C2CD3: variants seen among roughly 807,000 people sequenced by gnomAD.
C2CD3 encodes the protein C2 domain-containing protein 3.
C2CD3 carries 148 observed loss-of-function variants against 234.0 expected under a neutral mutation model. The ratio of observed to expected loss-of-function variants is 0.63; its 90% CI spans 0.55 to 0.72. C2CD3 has a LOEUF of 0.72. Among genes scored for constraint, C2CD3 ranks in the 30% least tolerant of loss-of-function variants. The pLI is 0.00. For missense variants in C2CD3, 2,577 were observed against 2,811.5 expected, an observed-to-expected ratio of 0.92 and a Z score of 1.89; for synonymous variants, 1,000 against 1,035.4, an observed-to-expected ratio of 0.97 and a Z score of 0.66.
intron 21 of C2CD3, 64 bp from the exon 22 acceptor site, chr11:74,085,034 GTATATCCACACAACCCT>G (rs1182711246): frequency 1.1e-6 from 1 of 870,658 alleles, no homozygotes; most frequent in Non-Finnish European, 1.9e-6. Flanking sequence ...CTAGTTTACA[GTATATCCACACAACCCT>G]CCCCTTATAT....
Position 74,098,141 on chromosome 11 carries a change from G to C in C2CD3, c.2847C>G (p.Val949=). Residue 949 remains valine, a synonymous_variant, in exon 16 of 33, where the codon GTC becomes GTG. Coordinates refer to ENST00000334126, the MANE Select transcript of C2CD3 (RefSeq NM_001286577.2). The part of the protein sequence containing the change: ...FSGHQNGSLR[V]FLAMGSSNQI... The stretch of plus-strand genomic sequence containing the variant: ...GATTTGAAGAACCCATAGCTAAAAA[G>C]ACTCGAAGACTCCCATTTTGGTGGC... The C allele has an allele frequency of 6.2e-7, 1 of 1,614,014 alleles. No individual in the cohort carries two copies. The highest frequency in any genetic ancestry group is 8.5e-7 in the Non-Finnish European group (1 of 1,179,980).
chr11:74,133,227 C>G (rs1008340641), intron 6 of C2CD3, among the ~76,000 whole-genome samples, 198 bp downstream of exon 6: 1 of 152,160 alleles, frequency 6.6e-6, no homozygotes, highest in African/African-American at 2.4e-5. Context: ...AGAATTTACC[C>G]ATTTACACAT....
intron 18 of C2CD3, among the ~76,000 whole-genome samples, chr11:74,093,436 A>C (rs1472237657): frequency 6.6e-6 from 1 of 151,296 alleles, no homozygotes; most frequent in Non-Finnish European, 1.5e-5. Context: ...AAATGAGTTT[A>C]TAAGTAGGAG....
intron 13 of C2CD3, among the ~76,000 whole-genome samples, chr11:74,104,491 C>T (rs1314408427): frequency 6.6e-6 from 1 of 150,776 alleles, no homozygotes; most frequent in Non-Finnish European, 1.5e-5. Context: ...TCAAATAGTT[C>T]ACAAAAAAAT....
At chr11:74,017,600 T>A (rs370557889) in intron 32 of C2CD3, among the ~76,000 whole-genome samples, 1 of 152,206 alleles carries the variant, frequency 6.6e-6, no homozygotes, top group East Asian at 1.9e-4. Flanking sequence ...CTGGTTCTAG[T>A]CCTGGCTCTA....
chr11:74,160,389 T>A (rs13377232), intron 3 of C2CD3, among the ~76,000 whole-genome samples: 1 of 152,038 alleles, frequency 6.6e-6, no homozygotes, highest in Non-Finnish European at 1.5e-5. Flanking sequence ...ATATACACGA[T>A]GGAATACTAT....
At chr11:74,068,552 T>G (rs1954644002) in intron 24 of C2CD3, among the ~76,000 whole-genome samples, 1 of 152,086 alleles carries the variant, frequency 6.6e-6, no homozygotes, top group Admixed American at 6.6e-5. Context: ...TCAAGAAAGC[T>G]CTGAGGAAGA....
chr11:74,028,264 A>G (rs1160636456), intron 32 of C2CD3, 23 bp downstream of exon 32: 4 of 1,451,836 alleles, frequency 2.8e-6, no homozygotes, highest in Non-Finnish European at 1.9e-6. Flanking sequence ...TATAGAAGAA[A>G]GGTCAGTTGG....
At chr11:74,098,456 T>A (rs1337395140) in intron 15 of C2CD3, among the ~76,000 whole-genome samples, 1 of 152,196 alleles carries the variant, frequency 6.6e-6, no homozygotes, top group Non-Finnish European at 1.5e-5. Flanking sequence ...ATGTAGCAAT[T>A]TGAAGGCAAG....
chr11:74,163,558 T>C (rs1450752757), intron 2 of C2CD3, among the ~76,000 whole-genome samples: 2 of 152,192 alleles, frequency 1.3e-5, no homozygotes, highest in East Asian at 3.8e-4. Context: ...TCACGAGATC[T>C]GATGGTTTTA....
At chr11:74,013,595 CTCA>C (rs931145939) in intron 32 of C2CD3, 70 bp from the exon 33 acceptor site, 1 of 1,004,792 alleles carries the variant, frequency 1.0e-6, no homozygotes, top group Non-Finnish European at 1.3e-6. Flanking sequence ...GCTGGTTTCT[CTCA>C]TCTTTTGGTC....
At chr11:74,149,427 C>T (rs1855446685) in intron 3 of C2CD3, among the ~76,000 whole-genome samples, 1 of 152,066 alleles carries the variant, frequency 6.6e-6, no homozygotes, top group African/African-American at 2.4e-5. Context: ...ACGTGAACTC[C>T]TGGGCTCAAG....
chr11:74,110,510 C>G (rs892911986), intron 11 of C2CD3: 7 of 152,230 alleles, frequency 4.6e-5, no homozygotes, highest in African/African-American at 7.2e-5. Context: ...ATCAGTTTAT[C>G]TGGTTACTCT....
rs541412036 is a variant in C2CD3, at chr11:74,168,976, A to G, written c.56-363T>C. The stretch of plus-strand genomic sequence containing the variant: ...AGAAGTAGTTGACATTTTTCTAAGT[A>G]TGGTTGAAATTTTTCTAAGTACAGT... On this transcript the variant is annotated intron_variant, in intron 1 of 32. Transcript: ENST00000334126. 2.6e-4 allele frequency among the ~76,000 whole-genome samples: 40 copies of G among 152,360 alleles called. No individual in the cohort carries two copies. The South Asian group carries it at 8.1e-3, about 31-fold the overall frequency.
Position 74,114,598 on chromosome 11 carries a change from AAGG to A in C2CD3, c.1521-8_1521-6del, listed in dbSNP as rs1398813103. On this transcript the variant is annotated splice_region_variant and splice_polypyrimidine_tract_variant and intron_variant, in intron 9 of 32. Transcript: ENST00000334126. ...ATCTGTTGTTCAACCAAATTTCTGA[AAGG>A]AGTTCACACAAGCAGTGAGGCATAC... is the stretch of plus-strand genomic sequence containing the variant. 2 of 1,603,532 alleles carry A rather than the reference AAGG, an allele frequency of 1.2e-6. No individual in the cohort carries two copies. Among genetic ancestry groups the A allele is most frequent in the Non-Finnish European group, 1.7e-6 (2 of 1,170,386 alleles).
At chr11:74,115,910 T>C (rs948000434) in intron 9 of C2CD3, among the ~76,000 whole-genome samples, 4 of 152,102 alleles carry the variant, frequency 2.6e-5, no homozygotes, top group African/African-American at 7.2e-5. Context: ...GCTGGGACAA[T>C]TGGCAAGCCA....
Position 74,036,922 on chromosome 11 carries a change from T to G in C2CD3, c.5881+556A>C, listed in dbSNP as rs533893559. Among the ~76,000 whole-genome samples the G allele has an allele frequency of 2.6e-5, 4 of 152,166 alleles. No individual in the cohort carries two copies. The East Asian group carries it at 7.7e-4, about 29-fold the overall frequency. On this transcript the variant is annotated intron_variant, in intron 30 of 32. Coordinates refer to ENST00000334126, the MANE Select transcript of C2CD3 (RefSeq NM_001286577.2). The stretch of plus-strand genomic sequence containing the variant: ...AGTACAGCCTGGGCATGGGGTTTTT[T>G]AAAAGTCCCTCAATAATTCCAATAT...
intron 23 of C2CD3, among the ~76,000 whole-genome samples, chr11:74,077,548 A>G (rs529498301): frequency 1.3e-5 from 2 of 151,556 alleles, no homozygotes; most frequent in East Asian, 3.9e-4. Flanking sequence ...CAAACACCGC[A>G]TGTTCTCACT....
rs550765755 is a variant in C2CD3 at position 74,032,650 on chromosome 11, T to C, written c.6809+701A>G. Among the ~76,000 whole-genome samples the C allele has an allele frequency of 3.9e-5, 6 of 152,104 alleles. No homozygotes were observed. In the East Asian group the frequency reaches 7.7e-4, roughly 20 times the overall value. Reference sequence around the variant, plus strand: ...ATTTTGGGAGGGTGAGGCAGGAGGATTGCTTGAGGCCAGGAGTTTGAGACC... The same window carrying C: ...ATTTTGGGAGGGTGAGGCAGGAGGACTGCTTGAGGCCAGGAGTTTGAGACC... On this transcript the variant is annotated intron_variant, in intron 31 of 32. Coordinates refer to ENST00000334126, the MANE Select transcript of C2CD3 (RefSeq NM_001286577.2).
Sources: gnomAD v4.1 joint callset for allele counts (sites outside exome capture counted in the v4.1 genomes callset) on GRCh38, gnomAD v4.1.1 for gene constraint, MANE v1.5 for transcripts, NCBI Gene and HGNC (gene_info 2026-07-23, HGNC 2026-07-21) for gene names.